MET: variants seen among roughly 807,000 people sequenced by gnomAD.
MET encodes hepatocyte growth factor receptor.
In MET, 48 loss-of-function variants were observed where a neutral mutation model predicts 133.1. That is an observed-to-expected ratio of 0.36 (90% confidence interval 0.29 to 0.46). The LOEUF is 0.46. MET is among the 20% of genes least tolerant of loss of function. The pLI is 1.00. For missense variants in MET, 1,442 were observed against 1,695.9 expected (o/e 0.85, Z 2.63); for synonymous variants, 628 against 616.5 (o/e 1.02, Z -0.28).
At chr7:116,704,273 G>A (rs1178763062) in intron 2 of MET, among the ~76,000 whole-genome samples, 2 of 152,082 alleles carry the variant, frequency 1.3e-5, no homozygotes, top group African/African-American at 2.4e-5. Context: ...AGACAGCATG[G>A]ACTAATGGAA....
intron 1 of MET, among the ~76,000 whole-genome samples, chr7:116,693,511 C>A (rs905506485): frequency 2.0e-5 from 3 of 152,150 alleles, no homozygotes; most frequent in Non-Finnish European, 4.4e-5. Flanking sequence ...CTGGGTCATA[C>A]AAATAATTAG....
At chr7:116,725,704 A>G (rs906402014) in intron 2 of MET, among the ~76,000 whole-genome samples, 2 of 151,502 alleles carry the variant, frequency 1.3e-5, no homozygotes, top group African/African-American at 4.8e-5. Flanking sequence ...GGCAATTGTA[A>G]CACAATGGTA....
At chr7:116,690,348 A>C (rs1050218370) in intron 1 of MET, among the ~76,000 whole-genome samples, 17 of 152,194 alleles carry the variant, frequency 1.1e-4, no homozygotes, top group African/African-American at 3.9e-4. Context: ...ATGTCAGTGA[A>C]AAAGGCCATA....
rs1584964366 is a variant in MET at position 116,782,106 on chromosome 7, C to T, written c.3632+9C>T. ...GCTGCAAGAAACTGTATGTAAGTAT[C>T]AGAATCTCTGTGCCACAATCCAAAT... On this transcript the variant is annotated intron_variant, in intron 18 of 20. Coordinates refer to ENST00000397752, the MANE Select transcript of MET (RefSeq NM_000245.4). 1 of 1,570,374 alleles carries T rather than the reference C, an allele frequency of 6.4e-7. No individual in the cohort carries two copies. Among genetic ancestry groups the T allele is most frequent in the Non-Finnish European group, 8.8e-7 (1 of 1,141,502 alleles).
intron 11 of MET, among the ~76,000 whole-genome samples, chr7:116,767,335 A>T (rs1794663242): frequency 6.6e-6 from 1 of 152,236 alleles, no homozygotes; most frequent in Admixed American, 6.5e-5. Context: ...GATATAGCAC[A>T]TTGGGAGTAA....
At chr7:116,724,717 C>T (rs984324874) in intron 2 of MET, 24 of 856,770 alleles carry the variant, frequency 2.8e-5, no homozygotes, top group Admixed American at 1.4e-4. Flanking sequence ...GGAAGCCACC[C>T]GGTAGAGCTG....
intron 19 of MET, among the ~76,000 whole-genome samples, chr7:116,791,521 C>A (rs1416818072): frequency 2.6e-5 from 4 of 152,038 alleles, no homozygotes; most frequent in South Asian, 2.1e-4. Context: ...CTACTCAAAT[C>A]TTTTGCCTAT....
At chr7:116,702,151 C>G (rs1032603208) in intron 2 of MET, among the ~76,000 whole-genome samples, 1 of 152,052 alleles carries the variant, frequency 6.6e-6, no homozygotes, top group African/African-American at 2.4e-5. Flanking sequence ...TCAGTTTTAT[C>G]GCCCAGGAAA....
At chr7:116,748,278 A>C (rs535192701) in intron 5 of MET, among the ~76,000 whole-genome samples, 2 of 152,202 alleles carry the variant, frequency 1.3e-5, no homozygotes, top group African/African-American at 4.8e-5. Flanking sequence ...AAAGAAGCTC[A>C]CTCAAAACCA....
At chr7:116,739,201 G>C (rs1434058198) in intron 3 of MET, among the ~76,000 whole-genome samples, 1 of 151,988 alleles carries the variant, frequency 6.6e-6, no homozygotes, top group African/African-American at 2.4e-5. Flanking sequence ...ATTATTACTG[G>C]GTTCTAGGAA....
chr7:116,771,760 A>G, intron 13 of MET, 89 bp from the exon 14 acceptor site: 4 of 1,609,262 alleles, frequency 2.5e-6, no homozygotes, highest in Non-Finnish European at 3.4e-6. Flanking sequence ...GTAGTCCATA[A>G]AACCCATGAG....
intron 2 of MET, among the ~76,000 whole-genome samples, chr7:116,728,500 T>C (rs1199870701): frequency 1.3e-5 from 2 of 152,212 alleles, no homozygotes; most frequent in East Asian, 1.9e-4. Flanking sequence ...TCTGGTTGTA[T>C]TGCTCTCCCT....
intron 1 of MET, among the ~76,000 whole-genome samples, chr7:116,681,663 A>G (rs556475794): frequency 2.0e-5 from 3 of 152,322 alleles, no homozygotes; most frequent in Non-Finnish European, 4.4e-5. Flanking sequence ...GGCTCCTCTG[A>G]GGGTCTTAGG....
intron 16 of MET, among the ~76,000 whole-genome samples, chr7:116,778,253 T>C (rs1795052573): frequency 6.6e-6 from 1 of 152,216 alleles, no homozygotes; most frequent in Admixed American, 6.5e-5. Context: ...CGTTTTCTAC[T>C]CCCATTTCTC....
intron 1 of MET, among the ~76,000 whole-genome samples, chr7:116,681,976 A>G (rs1013653440): frequency 6.6e-6 from 1 of 152,138 alleles, no homozygotes; most frequent in Non-Finnish European, 1.5e-5. Flanking sequence ...ATGAATATGC[A>G]TTTTGGACTT....
intron 17 of MET, among the ~76,000 whole-genome samples, chr7:116,781,772 C>G (rs538052613): frequency 1.3e-4 from 20 of 152,264 alleles, no homozygotes; most frequent in African/African-American, 4.6e-4. Flanking sequence ...AAGACAGGAT[C>G]TCACTGTGTT....
At chr7:116,674,270 G>A (rs1330841060) in intron 1 of MET, among the ~76,000 whole-genome samples, 1 of 152,120 alleles carries the variant, frequency 6.6e-6, no homozygotes, top group Non-Finnish European at 1.5e-5. Context: ...ATTAATCATA[G>A]CCAGTCAATA....
At chr7:116,693,156 A>T (rs937297140) in intron 1 of MET, among the ~76,000 whole-genome samples, 2 of 152,246 alleles carry the variant, frequency 1.3e-5, no homozygotes, top group East Asian at 3.8e-4. Flanking sequence ...AGTCAATGGC[A>T]TTGGTGTAAA....
intron 5 of MET, among the ~76,000 whole-genome samples, chr7:116,743,013 C>T (rs1793522756): frequency 6.6e-6 from 1 of 152,216 alleles, no homozygotes; most frequent in Non-Finnish European, 1.5e-5. Context: ...CAGGTGATTT[C>T]TGCATGTCCA....
Sources: allele counts gnomAD v4.1 joint callset (sites outside exome capture counted in the v4.1 genomes callset), GRCh38; gene constraint gnomAD v4.1.1; transcripts MANE v1.5; gene names NCBI Gene and HGNC (gene_info 2026-07-23, HGNC 2026-07-21).